The following FABP3 variants were observed in gnomAD, a reference collection of about 807,000 sequenced individuals.
FABP3 encodes the protein fatty acid-binding protein, heart.
In FABP3, 8 loss-of-function variants were observed where a neutral mutation model predicts 13.4. That is an observed-to-expected ratio of 0.60 (90% CI 0.35 to 1.07). The LOEUF (loss-of-function observed/expected upper bound fraction) is 1.07, where lower values mean the gene tolerates loss of function less well. Among genes scored for constraint, FABP3 ranks in the 50% least tolerant of loss-of-function variants. FABP3 has a pLI of 0.02. For missense variants in FABP3, 135 were observed against 164.7 expected, an observed-to-expected ratio of 0.82 and a Z score of 0.99; for synonymous variants, 64 against 60.0, an observed-to-expected ratio of 1.07 and a Z score of -0.31.
Position 31,365,439 on chromosome 1 carries a change from G to C in FABP3, c.*447C>G, listed in dbSNP as rs71646316. Among the ~76,000 whole-genome samples, 2 of 152,178 alleles carry C rather than the reference G, an allele frequency of 1.3e-5. No homozygotes were observed. The highest frequency in any genetic ancestry group is 2.1e-4 in the South Asian group (1 of 4,822). ...GAACTAGGTCATTTGACCATGGAGG[G>C]GGGGCAGTGTAAAGGCAACGTGTAG... On this transcript the variant is annotated 3_prime_UTR_variant, in exon 4 of 4. Coordinates refer to ENST00000373713, the MANE Select transcript of FABP3 (RefSeq NM_004102.5).
At chr1:31,365,236 T>C (rs1474510410), downstream of FABP3, among the ~76,000 whole-genome samples, 1 of 152,116 alleles carries the variant, frequency 6.6e-6, no homozygotes, top group Non-Finnish European at 1.5e-5. Context: ...TCTTGGCCAG[T>C]GGTCATTTTC....
chr1:31,372,888 G>T, intron 1 of FABP3, 54 bp downstream of exon 1: 1 of 1,527,098 alleles, frequency 6.5e-7, no homozygotes. Flanking sequence ...GTGGGGCTAG[G>T]CACGCCACCA....
chr1:31,371,215 C>T (rs1224267485), intron 1 of FABP3, among the ~76,000 whole-genome samples: 1 of 152,182 alleles, frequency 6.6e-6, no homozygotes, highest in African/African-American at 2.4e-5. Flanking sequence ...GTCAGCCCAC[C>T]CTTGCTTGGC....
downstream of FABP3, chr1:31,364,144 C>T (rs867992620): frequency 1.9e-5 from 31 of 1,613,622 alleles, no homozygotes; most frequent in East Asian, 6.7e-4. Flanking sequence ...AGCAAGGCAG[C>T]AAAGAAGAAG....
intron 1 of FABP3, among the ~76,000 whole-genome samples, chr1:31,370,462 C>T (rs1478869788): frequency 6.6e-6 from 1 of 152,230 alleles, no homozygotes; most frequent in African/African-American, 2.4e-5. Context: ...AGTTTTTACC[C>T]TGAAACTAAG....
chr1:31,365,720 A>C lies in FABP3; in HGVS notation c.*166T>G, dbSNP rs1640093371. The C allele has an allele frequency of 1.1e-5, 7 of 618,810 alleles. No individual in the cohort carries two copies. Among genetic ancestry groups the C allele is most frequent in the South Asian group, 2.0e-5 (1 of 49,654 alleles). 38.3% of individuals were successfully genotyped at this position (618,810 alleles called of 1,614,324 possible). A position where few individuals can be genotyped will look rare whatever the true frequency, so the allele number is the denominator to read the frequency against. On this transcript the variant is annotated 3_prime_UTR_variant, in exon 4 of 4. Coordinates refer to ENST00000373713, the MANE Select transcript of FABP3 (RefSeq NM_004102.5). ...GAGTGCAGTTAAAAAAAAAAAAAAAAAACCACATACACCATGGGAACTGGA... is the reference window on the plus strand; with the variant it reads ...GAGTGCAGTTAAAAAAAAAAAAAAACAACCACATACACCATGGGAACTGGA...
Position 31,365,520 on chromosome 1 carries a change from A to G in FABP3, c.*366T>C. 1 of 251,710 alleles carries G rather than the reference A, an allele frequency of 4.0e-6. No homozygotes were observed. The highest frequency in any genetic ancestry group is 7.8e-6 in the Non-Finnish European group (1 of 127,544). 15.6% of individuals were successfully genotyped at this position (251,710 alleles called of 1,614,324 possible). ...GTGATCAGCTGATTAACAGGCTCCG[A>G]GACTGTCCATTTCAGTCTCCCATCC... On this transcript the variant is annotated 3_prime_UTR_variant, in exon 4 of 4. Coordinates refer to ENST00000373713, the MANE Select transcript of FABP3 (RefSeq NM_004102.5).
chr1:31,367,305 G>A, intron 3 of FABP3, 88 bp downstream of exon 3: 3 of 1,061,578 alleles, frequency 2.8e-6, no homozygotes, highest in South Asian at 2.5e-5. Flanking sequence ...ACAGCTCTCA[G>A]GGGAGGACTT....
downstream of FABP3, chr1:31,364,041 A>C: frequency 1.9e-6 from 3 of 1,607,198 alleles, no homozygotes; most frequent in Non-Finnish European, 2.5e-6. Flanking sequence ...GGAGAAGAAG[A>C]AAAAGAAACA....
downstream of FABP3, among the ~76,000 whole-genome samples, chr1:31,360,855 T>C (rs142405007): frequency 1.6e-4 from 25 of 152,326 alleles, no homozygotes; most frequent in African/African-American, 5.3e-4. Flanking sequence ...TAATAACTCA[T>C]GAAGTTTGAC....
downstream of FABP3, among the ~76,000 whole-genome samples, chr1:31,362,455 C>T (rs1639944038): frequency 1.3e-5 from 2 of 152,220 alleles, no homozygotes; most frequent in Admixed American, 6.5e-5. Context: ...TTAAAATCTG[C>T]TCATACTGCC....
chr1:31,369,198 C>T (rs1640162148), intron 2 of FABP3, 187 bp downstream of exon 2: 1 of 642,062 alleles, frequency 1.6e-6, no homozygotes, highest in Non-Finnish European at 2.7e-6. Flanking sequence ...AACAAGAGGA[C>T]AGAACTGACA....
At position 31,365,882 on chromosome 1, in the gene FABP3, C is replaced by T. The variant is rs1208147270; in HGVS notation, c.*4G>A. On this transcript the variant is annotated 3_prime_UTR_variant, in exon 4 of 4. Coordinates refer to ENST00000373713, the MANE Select transcript of FABP3 (RefSeq NM_004102.5). The stretch of plus-strand genomic sequence containing the variant: ...GAGTAGTAGTCAGCAACAGTGCAGT[C>T]AGGTCATGCCTCTTTCTCATAAGTG... 1.9e-6 allele frequency: 3 copies of T among 1,613,834 alleles called. No individual in the cohort carries two copies. The highest frequency in any genetic ancestry group is 1.7e-5 in the Admixed American group (1 of 59,990).
At chr1:31,368,662 G>A (rs561335060) in intron 2 of FABP3, among the ~76,000 whole-genome samples, 2 of 152,300 alleles carry the variant, frequency 1.3e-5, no homozygotes, top group East Asian at 1.9e-4. Context: ...AAGTTCTCTC[G>A]CTCCCATGCC....
chr1:31,369,105 T>C (rs959420295), intron 2 of FABP3: 4 of 390,416 alleles, frequency 1.0e-5, no homozygotes, highest in Non-Finnish European at 1.9e-5. Flanking sequence ...CTGGAGTAGA[T>C]ACTGAGGTCA....
At chr1:31,368,193 G>C (rs1016896177) in intron 2 of FABP3, among the ~76,000 whole-genome samples, 13 of 152,168 alleles carry the variant, frequency 8.5e-5, no homozygotes, top group African/African-American at 3.1e-4. Context: ...GGGCCACAAG[G>C]CCAGGCTAAG....
chr1:31,366,052 A>ATATG (rs777978927), intron 3 of FABP3, 113 bp from the exon 4 acceptor site: 41 of 778,828 alleles, frequency 5.3e-5, no homozygotes, highest in South Asian at 1.6e-4. Flanking sequence ...TGTGCCGGCT[A>ATATG]TATGTATGTA....
At chr1:31,366,036 C>T in intron 3 of FABP3, 97 bp from the exon 4 acceptor site, 1 of 992,728 alleles carries the variant, frequency 1.0e-6, no homozygotes. Flanking sequence ...ACTTGAGTAC[C>T]TACTATGTGC....
At chr1:31,362,099 C>A (rs900015500), downstream of FABP3, among the ~76,000 whole-genome samples, 3 of 152,154 alleles carry the variant, frequency 2.0e-5, no homozygotes, top group African/African-American at 7.2e-5. Flanking sequence ...CATGAGCCAC[C>A]GCGCCCAGCC....
Sources: allele counts gnomAD v4.1 joint callset (sites outside exome capture counted in the v4.1 genomes callset), GRCh38; gene constraint gnomAD v4.1.1; transcripts MANE v1.5; gene names NCBI Gene and HGNC (gene_info 2026-07-23, HGNC 2026-07-21).